GRIN2B: variants seen among roughly 807,000 people sequenced by gnomAD.
GRIN2B encodes the protein glutamate ionotropic receptor NMDA type subunit 2B, also known as glutamate receptor ionotropic, NMDA 2B.
GRIN2B carries 5 observed loss-of-function variants against 114.5 expected under a neutral mutation model. That is an observed-to-expected ratio of 0.04 (90% confidence interval 0.02 to 0.09). GRIN2B has a LOEUF of 0.09. Ranked by LOEUF, GRIN2B falls within the 10% of genes least tolerant of loss-of-function variation. The pLI, the probability that GRIN2B is intolerant of heterozygous loss-of-function variation, is 1.00. For missense variants in GRIN2B, 1,108 were observed against 1,943.5 expected (o/e 0.57, Z 8.08); for synonymous variants, 787 against 745.1 (o/e 1.06, Z -0.92).
Position 13,642,192 on chromosome 12 carries a change from AC to A in GRIN2B, c.1126-25536del, listed in dbSNP as rs1239588955. On this transcript the variant is annotated intron_variant, in intron 5 of 13. Coordinates refer to ENST00000609686, the MANE Select transcript of GRIN2B (RefSeq NM_000834.5). ...GACAAGAGTGAGACTCTGTCTCAAA[AC>A]AAACAAACAAACAAACAAACAAACA... is the stretch of plus-strand genomic sequence containing the variant. 3.0e-4 allele frequency among the ~76,000 whole-genome samples: 24 copies of A among 79,980 alleles called. No homozygotes were observed. The South Asian group carries it at 3.1e-3, about 10-fold the overall frequency. 52.5% of individuals were successfully genotyped at this position (79,980 alleles called of 152,430 possible).
At chr12:13,749,007 C>A (rs1863435280) in intron 4 of GRIN2B, among the ~76,000 whole-genome samples, 1 of 152,188 alleles carries the variant, frequency 6.6e-6, no homozygotes, top group African/African-American at 2.4e-5. Flanking sequence ...CCAGGCAACC[C>A]AGAATCTATC....
chr12:13,805,183 T>C (rs995105998), intron 3 of GRIN2B, among the ~76,000 whole-genome samples: 5 of 152,304 alleles, frequency 3.3e-5, no homozygotes, highest in Middle Eastern at 3.4e-3. Context: ...TATAGTCATC[T>C]CTATTTTACA....
In GRIN2B at chr12:13,562,856, T is replaced by G. The variant is rs1336696438; in HGVS notation, c.4382A>C (p.Asn1461Thr). The G allele has an allele frequency of 6.2e-7, 1 of 1,613,464 alleles. No individual in the cohort carries two copies. Among genetic ancestry groups the G allele is most frequent in the Non-Finnish European group, 8.5e-7 (1 of 1,179,602 alleles). The change falls in exon 14 of 14, where the codon AAC becomes ACC. Residue 1461 changes from asparagine to threonine, a missense_variant. Asn to Thr is a moderately conservative substitution (Grantham distance 65). Around this residue, in one of 19 missense-constraint regions of GRIN2B, gnomAD observed 478 missense variants for 506.0 expected, o/e 0.94. Transcript: ENST00000609686. ...GCTGGAGCCATTGAAAGCCCTGGGG[T>G]TTTTGTTGTTAGGCACACAGGGGTT... ...QSNPCVPNNK[N>T]PRAFNGSSNG... is the part of the protein sequence containing the mutation.
chr12:13,619,485 A>C (rs1435112072), intron 5 of GRIN2B, among the ~76,000 whole-genome samples: 4 of 152,168 alleles, frequency 2.6e-5, no homozygotes, highest in Non-Finnish European at 5.9e-5. Flanking sequence ...TTTTTATTAA[A>C]TATATCATTC....
chr12:13,589,893 A>G (rs1948982619), intron 10 of GRIN2B, among the ~76,000 whole-genome samples: 1 of 152,126 alleles, frequency 6.6e-6, no homozygotes, highest in Non-Finnish European at 1.5e-5. Context: ...ATTACTATGA[A>G]TTTTCCAAAT....
intron 4 of GRIN2B, among the ~76,000 whole-genome samples, chr12:13,704,414 T>C (rs1950340564): frequency 6.6e-6 from 1 of 152,194 alleles, no homozygotes. Flanking sequence ...TTTTACCCAG[T>C]ATCTTTTAAC....
intron 5 of GRIN2B, among the ~76,000 whole-genome samples, chr12:13,625,860 C>T (rs1311133896): frequency 6.6e-6 from 1 of 152,132 alleles, no homozygotes; most frequent in Non-Finnish European, 1.5e-5. Flanking sequence ...GGTGGTGCCT[C>T]GTCATAAACC....
chr12:13,682,825 C>T (rs1032714738), intron 4 of GRIN2B, among the ~76,000 whole-genome samples: 3 of 152,224 alleles, frequency 2.0e-5, no homozygotes, highest in Admixed American at 2.0e-4. Context: ...AGAAAAAGTG[C>T]TTTCAGCCCC....
chr12:13,569,417 A>G (rs1415659099), intron 12 of GRIN2B, among the ~76,000 whole-genome samples: 1 of 152,182 alleles, frequency 6.6e-6, no homozygotes, highest in Non-Finnish European at 1.5e-5. Context: ...GCAGAGGGAA[A>G]ACATGCACAC....
chr12:13,947,830 T>A (rs940591619), intron 2 of GRIN2B, among the ~76,000 whole-genome samples: 1 of 152,166 alleles, frequency 6.6e-6, no homozygotes, highest in Non-Finnish European at 1.5e-5. Context: ...GGATGAGGCA[T>A]GAGTTGTTCT....
At chr12:13,812,763 CA>C (rs1051596170) in intron 3 of GRIN2B, among the ~76,000 whole-genome samples, 3 of 151,928 alleles carry the variant, frequency 2.0e-5, no homozygotes, top group African/African-American at 7.3e-5. Flanking sequence ...ATTATAGACA[CA>C]AGGTATTTAA....
At chr12:13,901,668 C>T (rs1165811361) in intron 2 of GRIN2B, among the ~76,000 whole-genome samples, 8 of 151,800 alleles carry the variant, frequency 5.3e-5, no homozygotes, top group Admixed American at 5.2e-4. Context: ...ATATATTTTC[C>T]CACTCTGTGA....
At chr12:13,635,613 C>T (rs1303419344) in intron 5 of GRIN2B, among the ~76,000 whole-genome samples, 1 of 152,172 alleles carries the variant, frequency 6.6e-6, no homozygotes, top group East Asian at 1.9e-4. Flanking sequence ...AGAGTACAAG[C>T]ACAGAAGGAT....
intron 3 of GRIN2B, among the ~76,000 whole-genome samples, chr12:13,789,640 A>C (rs539863222): frequency 5.1e-4 from 77 of 152,298 alleles, no homozygotes; most frequent in African/African-American, 1.7e-3. Flanking sequence ...TGCTCATGTA[A>C]GAATTGTTGG....
At chr12:13,717,257 C>T (rs984629677) in intron 4 of GRIN2B, among the ~76,000 whole-genome samples, 6 of 151,258 alleles carry the variant, frequency 4.0e-5, no homozygotes, top group Non-Finnish European at 5.9e-5. Context: ...TAGGTCTGGC[C>T]GACTCTAAAA....
At chr12:13,645,392 G>T (rs549530327) in intron 5 of GRIN2B, among the ~76,000 whole-genome samples, 1 of 152,096 alleles carries the variant, frequency 6.6e-6, no homozygotes, top group East Asian at 1.9e-4. Flanking sequence ...AATTACAGTA[G>T]TAACATCAAA....
At chr12:13,934,166 C>G (rs1867087406) in intron 2 of GRIN2B, among the ~76,000 whole-genome samples, 1 of 152,212 alleles carries the variant, frequency 6.6e-6, no homozygotes, top group Non-Finnish European at 1.5e-5. Context: ...TTCAGTGACT[C>G]TCACAGACTC....
At chr12:13,886,634 G>C (rs1449761032) in intron 2 of GRIN2B, among the ~76,000 whole-genome samples, 1 of 152,162 alleles carries the variant, frequency 6.6e-6, no homozygotes, top group African/African-American at 2.4e-5. Context: ...AGCCAGCAGG[G>C]AAAGGAGACA....
chr12:13,809,844 C>A (rs551876657), intron 3 of GRIN2B, among the ~76,000 whole-genome samples: 3 of 152,222 alleles, frequency 2.0e-5, no homozygotes, highest in Non-Finnish European at 2.9e-5. Context: ...CTTTTGTAAA[C>A]AGAAGTTCTC....
Sources: allele counts gnomAD v4.1 joint callset (sites outside exome capture counted in the v4.1 genomes callset), GRCh38; gene constraint gnomAD v4.1.1; regional missense constraint gnomAD v4.1.1; transcripts MANE v1.5; gene names NCBI Gene and HGNC (gene_info 2026-07-23, HGNC 2026-07-21).